Variants in CTNNA3 observed in about 807,000 individuals in gnomAD.
The protein encoded by CTNNA3 is catenin alpha 3.
In CTNNA3, 76 loss-of-function variants were observed where a neutral mutation model predicts 95.7. That is an observed-to-expected ratio of 0.79 (90% CI 0.66 to 0.96). The LOEUF (loss-of-function observed/expected upper bound fraction) is 0.96, where lower values mean the gene tolerates loss of function less well. Ranked by LOEUF, CTNNA3 falls within the 40% of genes least tolerant of loss-of-function variation. The probability of loss-of-function intolerance (pLI) is 0.00; values close to 1 mark genes in which losing one functional copy is unlikely to be tolerated. For synonymous variants in CTNNA3, 431 were observed against 374.4 expected (o/e 1.15, Z -1.74); for missense variants, 1,191 against 1,089.8 (o/e 1.09, Z -1.31).
intron 2 of CTNNA3, among the ~76,000 whole-genome samples, chr10:67,616,958 T>A (rs1442766051): frequency 1.3e-5 from 2 of 152,178 alleles, no homozygotes; most frequent in Non-Finnish European, 2.9e-5. Context: ...GTCACAGGAC[T>A]GAGCTTTGAG....
At chr10:66,991,700 C>G (rs1851047850) in intron 7 of CTNNA3, among the ~76,000 whole-genome samples, 1 of 152,110 alleles carries the variant, frequency 6.6e-6, no homozygotes, top group East Asian at 1.9e-4. Flanking sequence ...TAGAGGCATG[C>G]ACCAGAAAAC....
chr10:66,878,292 G>T (rs1365317214), intron 7 of CTNNA3, among the ~76,000 whole-genome samples: 1 of 151,980 alleles, frequency 6.6e-6, no homozygotes, highest in East Asian at 1.9e-4. Context: ...TCCGGCTCAC[G>T]GCAGCCTCAA....
rs527407176 is a variant in CTNNA3 at position 67,106,844 on chromosome 10, C to G, written c.1047+73473G>C. On this transcript the variant is annotated intron_variant, in intron 7 of 17. Transcript: ENST00000433211. ...TGTTTATTACATACCTAATATATGCCTCTTGGAAGGTAAGAAAATTTTAGA... is the reference window on the plus strand; with the variant it reads ...TGTTTATTACATACCTAATATATGCGTCTTGGAAGGTAAGAAAATTTTAGA... Among the ~76,000 whole-genome samples the G allele has an allele frequency of 3.3e-5, 5 of 152,202 alleles. No homozygotes were observed. In the East Asian group the frequency reaches 9.7e-4, roughly 29 times the overall value.
chr10:67,434,556 C>T (rs750101650), intron 5 of CTNNA3, among the ~76,000 whole-genome samples: 2 of 151,800 alleles, frequency 1.3e-5, no homozygotes, highest in Non-Finnish European at 2.9e-5. Flanking sequence ...AAAACTCAGG[C>T]GGTGCTATAT....
At chr10:66,137,495 G>A (rs768522681) in intron 13 of CTNNA3, among the ~76,000 whole-genome samples, 6 of 151,964 alleles carry the variant, frequency 3.9e-5, no homozygotes, top group South Asian at 2.1e-4. Flanking sequence ...AGGGGGCAGG[G>A]ACAGAAAAAA....
intron 7 of CTNNA3, among the ~76,000 whole-genome samples, chr10:67,044,493 A>T (rs1339482237): frequency 1.3e-5 from 2 of 152,172 alleles, no homozygotes; most frequent in African/African-American, 4.8e-5. Flanking sequence ...TGTTAGAAAG[A>T]TCACTTTTGA....
At chr10:67,707,840 T>G (rs1391976370) in intron 1 of CTNNA3, among the ~76,000 whole-genome samples, 1 of 152,162 alleles carries the variant, frequency 6.6e-6, no homozygotes, top group African/African-American at 2.4e-5. Context: ...CTATTAATTT[T>G]ATTTCTCCAA....
intron 5 of CTNNA3, among the ~76,000 whole-genome samples, chr10:67,425,191 G>T (rs547563515): frequency 2.0e-5 from 3 of 152,172 alleles, no homozygotes; most frequent in South Asian, 4.1e-4. Context: ...TGCTCATTTT[G>T]TGGTGTCTTT....
At chr10:67,439,400 C>T (rs1290498047) in intron 5 of CTNNA3, among the ~76,000 whole-genome samples, 1 of 152,074 alleles carries the variant, frequency 6.6e-6, no homozygotes, top group African/African-American at 2.4e-5. Flanking sequence ...AGGAAACTTA[C>T]AATCAATGGC....
chr10:67,340,252 T>C (rs1194173960), intron 5 of CTNNA3, among the ~76,000 whole-genome samples: 2 of 152,182 alleles, frequency 1.3e-5, no homozygotes, highest in Non-Finnish European at 2.9e-5. Context: ...AAAATTATGT[T>C]TAAATAATAT....
At chr10:67,609,404 G>A (rs1033774591) in intron 2 of CTNNA3, among the ~76,000 whole-genome samples, 3 of 151,940 alleles carry the variant, frequency 2.0e-5, no homozygotes, top group Non-Finnish European at 2.9e-5. Context: ...TGGAGCATTC[G>A]ATGTTTGTTT....
chr10:67,052,079 T>C (rs988334659), intron 7 of CTNNA3, among the ~76,000 whole-genome samples: 2 of 152,100 alleles, frequency 1.3e-5, no homozygotes, highest in African/African-American at 4.8e-5. Flanking sequence ...TTAAATGGGA[T>C]TTTGTTTGGA....
chr10:67,637,229 G>A (rs145495747), intron 2 of CTNNA3, among the ~76,000 whole-genome samples: 9 of 152,334 alleles, frequency 5.9e-5, no homozygotes, highest in African/African-American at 1.7e-4. Context: ...ACAAGCTTCG[G>A]CAGCTGATTC....
intron 9 of CTNNA3, among the ~76,000 whole-genome samples, chr10:66,723,747 T>C (rs777279750): frequency 1.3e-5 from 2 of 152,078 alleles, no homozygotes; most frequent in South Asian, 4.2e-4. Flanking sequence ...GTTTCAAGGG[T>C]CTTCACTCCT....
intron 4 of CTNNA3, among the ~76,000 whole-genome samples, chr10:67,538,652 G>C (rs1428570926): frequency 2.0e-5 from 3 of 151,906 alleles, no homozygotes; most frequent in Non-Finnish European, 4.4e-5. Flanking sequence ...TTAGCAGTTA[G>C]AGAAAATGAT....
chr10:67,520,475 CTG>C (rs1839949337), intron 5 of CTNNA3, among the ~76,000 whole-genome samples: 2 of 152,144 alleles, frequency 1.3e-5, no homozygotes, highest in South Asian at 4.1e-4. Context: ...GGAAACAAAA[CTG>C]TACTAAAAAT....
intron 9 of CTNNA3, among the ~76,000 whole-genome samples, chr10:66,695,465 TAAATG>T (rs1847722088): frequency 1.3e-5 from 2 of 152,162 alleles, no homozygotes; most frequent in South Asian, 2.1e-4. Flanking sequence ...GGTTTAAACT[TAAATG>T]AAATGAGAAA....
chr10:67,207,372 T>C, intron 6 of CTNNA3, among the ~76,000 whole-genome samples: 1 of 152,296 alleles, frequency 6.6e-6, no homozygotes, highest in South Asian at 2.1e-4. Flanking sequence ...TTATGCACTG[T>C]GGTTTGTATT....
chr10:66,791,822 C>A (rs911907699), intron 7 of CTNNA3, among the ~76,000 whole-genome samples: 2 of 151,908 alleles, frequency 1.3e-5, no homozygotes, highest in African/African-American at 4.8e-5. Flanking sequence ...TCAGAGTTAG[C>A]AGTAGTTTGT....
Sources: allele counts gnomAD v4.1 joint callset (sites outside exome capture counted in the v4.1 genomes callset), GRCh38; gene constraint gnomAD v4.1.1; transcripts MANE v1.5; gene names NCBI Gene and HGNC (gene_info 2026-07-23, HGNC 2026-07-21).